Variants in ATP8A2 observed in about 807,000 individuals in gnomAD.
ATP8A2 encodes the protein ATPase phospholipid transporting 8A2, also known as phospholipid-transporting ATPase IB.
In ATP8A2, 100 loss-of-function variants were observed where a neutral mutation model predicts 165.6. The observed-to-expected ratio is 0.60, with a 90% CI of 0.51 to 0.71. ATP8A2 has a LOEUF of 0.71. Among genes scored for constraint, ATP8A2 ranks in the 30% least tolerant of loss-of-function variants. The pLI, the probability that ATP8A2 is intolerant of heterozygous loss-of-function variation, is 0.00. For synonymous variants in ATP8A2, 543 were observed against 548.8 expected, an observed-to-expected ratio of 0.99 and a Z score of 0.15; for missense variants, 1,227 against 1,479.5, an observed-to-expected ratio of 0.83 and a Z score of 2.80.
At chr13:25,812,113 G>T (rs1593384693) in intron 27 of ATP8A2, among the ~76,000 whole-genome samples, 1 of 151,570 alleles carries the variant, frequency 6.6e-6, no homozygotes, top group Non-Finnish European at 1.5e-5. Flanking sequence ...AATGTTCATT[G>T]TAGGGCTAAA....
intron 2 of ATP8A2, among the ~76,000 whole-genome samples, chr13:25,506,755 T>C (rs2037049656): frequency 6.6e-6 from 1 of 151,976 alleles, no homozygotes; most frequent in South Asian, 2.1e-4. Context: ...ATGCCTGGCC[T>C]GAAGGTTATT....
intron 35 of ATP8A2, among the ~76,000 whole-genome samples, chr13:25,995,687 G>A (rs189026828): frequency 3.6e-4 from 54 of 152,010 alleles, no homozygotes; most frequent in Admixed American, 5.9e-4. Flanking sequence ...GTTGAAGTTT[G>A]TTTTATGGCC....
At chr13:25,574,576 T>G (rs1357582753) in intron 18 of ATP8A2, among the ~76,000 whole-genome samples, 1 of 152,192 alleles carries the variant, frequency 6.6e-6, no homozygotes, top group Non-Finnish European at 1.5e-5. Context: ...CTCCATCTCT[T>G]GGAAGTGCCT....
intron 1 of ATP8A2, among the ~76,000 whole-genome samples, chr13:25,374,339 C>T (rs928536805): frequency 4.6e-5 from 7 of 152,100 alleles, no homozygotes; most frequent in African/African-American, 9.7e-5. Context: ...TGGGGAAGAA[C>T]GCCTAATAGA....
intron 2 of ATP8A2, chr13:25,517,106 A>G (rs1176469644): frequency 1.4e-5 from 2 of 147,828 alleles, no homozygotes; most frequent in Non-Finnish European, 3.0e-5. Flanking sequence ...TTTTTAATAT[A>G]AAGCACCTGG....
intron 25 of ATP8A2, among the ~76,000 whole-genome samples, chr13:25,723,922 G>A (rs112586530): frequency 2.0e-5 from 3 of 152,214 alleles, no homozygotes; most frequent in Non-Finnish European, 2.9e-5. Context: ...ATTTCAAATA[G>A]GAGTAGGATT....
At position 25,429,881 on chromosome 13, in the gene ATP8A2, A is replaced by T. The variant is rs116601789; in HGVS notation, c.77-39096A>T. Reference sequence around the variant, plus strand: ...GGAGGTGGCCTGGGCAGGAGTCAGCAGGGTGCAGTGGTCCAGGCTGGGAGG... The same window carrying T: ...GGAGGTGGCCTGGGCAGGAGTCAGCTGGGTGCAGTGGTCCAGGCTGGGAGG... On this transcript the variant is annotated intron_variant, in intron 1 of 36. Coordinates refer to ENST00000381655, the MANE Select transcript of ATP8A2 (RefSeq NM_016529.6). Among the ~76,000 whole-genome samples the T allele has an allele frequency of 8.5e-3, 1,287 of 152,254 alleles. 21 individuals carry two copies. Among genetic ancestry groups the T allele is most frequent in the African/African-American group, 0.029 (1,191 of 41,546 alleles).
At chr13:25,868,785 A>G (rs1952595490) in intron 33 of ATP8A2, among the ~76,000 whole-genome samples, 1 of 152,132 alleles carries the variant, frequency 6.6e-6, no homozygotes, top group South Asian at 2.1e-4. Context: ...GGCAATCCCT[A>G]GAACCAAAAA....
intron 2 of ATP8A2, among the ~76,000 whole-genome samples, chr13:25,516,413 A>C (rs1487318804): frequency 6.6e-6 from 1 of 152,206 alleles, no homozygotes; most frequent in African/African-American, 2.4e-5. Context: ...GGACAGCCTT[A>C]AATCTTTCCT....
intron 33 of ATP8A2, among the ~76,000 whole-genome samples, chr13:25,900,278 A>G (rs1953697732): frequency 6.6e-6 from 1 of 152,184 alleles, no homozygotes; most frequent in African/African-American, 2.4e-5. Flanking sequence ...TTCATGGATT[A>G]CATGTTCAAA....
At chr13:25,508,642 A>T (rs2037125362) in intron 2 of ATP8A2, among the ~76,000 whole-genome samples, 1 of 152,224 alleles carries the variant, frequency 6.6e-6, no homozygotes, top group Non-Finnish European at 1.5e-5. Flanking sequence ...TCTATGTAAG[A>T]TTGTATAAAC....
intron 1 of ATP8A2, among the ~76,000 whole-genome samples, chr13:25,408,782 A>T (rs1459726640): frequency 1.3e-5 from 2 of 152,186 alleles, no homozygotes; most frequent in Non-Finnish European, 2.9e-5. Flanking sequence ...TTCCTTGCTC[A>T]GCTAGTTCAA....
chr13:25,699,480 T>A (rs1207940605), intron 25 of ATP8A2, 135 bp downstream of exon 25: 1 of 669,276 alleles, frequency 1.5e-6, no homozygotes, highest in Non-Finnish European at 2.3e-6. Flanking sequence ...AATACAAATT[T>A]ATTTTTAACT....
chr13:25,463,072 G>A (rs2035546678), intron 1 of ATP8A2, among the ~76,000 whole-genome samples: 1 of 151,914 alleles, frequency 6.6e-6, no homozygotes, highest in South Asian at 2.1e-4. Flanking sequence ...GGATGATGAG[G>A]GTGGCCTGTG....
chr13:25,753,893 T>C lies in ATP8A2; in HGVS notation c.2385-15153T>C, dbSNP rs557350077. Among the ~76,000 whole-genome samples, 23 of 152,358 alleles carry C rather than the reference T, an allele frequency of 1.5e-4. No individual in the cohort carries two copies. In the South Asian group the frequency reaches 4.3e-3, roughly 29 times the overall value. ...TAGAAAATGGCTATTTCCTAATTACTGTTAAAGTGTATTAAGCCAACATCC... is the reference window on the plus strand; with the variant it reads ...TAGAAAATGGCTATTTCCTAATTACCGTTAAAGTGTATTAAGCCAACATCC... On this transcript the variant is annotated intron_variant, in intron 25 of 36. Transcript: ENST00000381655.
chr13:25,511,098 A>G (rs1272365971), intron 2 of ATP8A2, among the ~76,000 whole-genome samples: 7 of 152,184 alleles, frequency 4.6e-5, no homozygotes, highest in Non-Finnish European at 8.8e-5. Flanking sequence ...TTTAGAAATG[A>G]TCTCTCTGAA....
rs1491385140 is a variant in ATP8A2 at position 26,025,117 on chromosome 13, A to AC, written c.*5132_*5133insC. The AC allele has an allele frequency of 6.9e-4, 17 of 24,468 alleles. No individual in the cohort carries two copies. Among genetic ancestry groups the AC allele is most frequent in the African/African-American group, 4.2e-3 (17 of 4,074 alleles). The allele number at this position is 24,468 out of a possible 1,614,324, so 1.5% of individuals were successfully genotyped here. On this transcript the variant is annotated 3_prime_UTR_variant, in exon 37 of 37. Transcript: ENST00000381655. The stretch of plus-strand genomic sequence containing the variant: ...TGAATCAATAAACACCAACAACAAC[A>AC]AAAAAAAAAAAAAAAAAAAAGGAAG...
rs75610820 is a variant in ATP8A2 at position 25,877,031 on chromosome 13, TA to T, written c.3183+14634del. ...GTCTACTTGGGGATTTATTTTTATT[TA>T]AAAAAAAAAACTAATCCTTTTTTCC... is the stretch of plus-strand genomic sequence containing the variant. On this transcript the variant is annotated intron_variant, in intron 33 of 36. Coordinates refer to ENST00000381655, the MANE Select transcript of ATP8A2 (RefSeq NM_016529.6). Among the ~76,000 whole-genome samples, 60 of 147,458 alleles carry T rather than the reference TA, an allele frequency of 4.1e-4. 1 individual carries two copies. The highest frequency in any genetic ancestry group is 3.5e-3 in the Middle Eastern group (1 of 284).
At chr13:25,995,401 C>T (rs1019598524) in intron 35 of ATP8A2, among the ~76,000 whole-genome samples, 11 of 151,264 alleles carry the variant, frequency 7.3e-5, no homozygotes, top group Non-Finnish European at 1.6e-4. Flanking sequence ...CATGTGAGAA[C>T]TTGGAATTCT....
Sources: gnomAD v4.1 joint callset for allele counts (sites outside exome capture counted in the v4.1 genomes callset) on GRCh38, gnomAD v4.1.1 for gene constraint, MANE v1.5 for transcripts, NCBI Gene and HGNC (gene_info 2026-07-23, HGNC 2026-07-21) for gene names.